ASTN2: variants seen among roughly 807,000 people sequenced by gnomAD.
The protein encoded by ASTN2 is astrotactin-2.
ASTN2 carries 54 observed loss-of-function variants against 139.8 expected under a neutral mutation model. The observed-to-expected ratio is 0.39, with a 90% CI of 0.31 to 0.48. The LOEUF is 0.48. Among genes scored for constraint, ASTN2 ranks in the 20% least tolerant of loss-of-function variants. The probability of loss-of-function intolerance (pLI) is 0.95; values close to 1 mark genes in which losing one functional copy is unlikely to be tolerated. For synonymous variants in ASTN2, 756 were observed against 719.5 expected (o/e 1.05, Z -0.81); for missense variants, 1,565 against 1,725.1 (o/e 0.91, Z 1.64).
At position 116,699,606 on chromosome 9, in the gene ASTN2, A is replaced by G. The variant is rs1366193406; in HGVS notation, c.2806+26165T>C. ...AGAGGGACTTACCTGTCCGGTGGGC[A>G]TAGCCCTAACTCCTAAGGGGCAGCT... is the stretch of plus-strand genomic sequence containing the variant. On this transcript the variant is annotated intron_variant, in intron 16 of 22. Coordinates refer to ENST00000313400, the MANE Select transcript of ASTN2 (RefSeq NM_001365068.1). The surrounding 1 kb of genome is among the most constrained non-coding windows in gnomAD (Gnocchi z 4.2). The G allele has an allele frequency of 1.2e-6, 2 of 1,614,200 alleles. No individual in the cohort carries two copies.
chr9:116,948,795 T>TTG (rs1835475460), intron 10 of ASTN2, among the ~76,000 whole-genome samples: 1 of 117,880 alleles, frequency 8.5e-6, no homozygotes, highest in African/African-American at 3.8e-5. Flanking sequence ...GTTTTTTTTT[T>TTG]TTTTTTTTTT....
chr9:117,333,955 C>A (rs1256543384), intron 1 of ASTN2, among the ~76,000 whole-genome samples: 1 of 152,164 alleles, frequency 6.6e-6, no homozygotes, highest in Non-Finnish European at 1.5e-5. Flanking sequence ...TGGCCTGGTG[C>A]ATGAAGAATA....
intron 19 of ASTN2, among the ~76,000 whole-genome samples, chr9:116,571,334 A>G (rs1234471894): frequency 2.6e-5 from 4 of 151,928 alleles, no homozygotes. Flanking sequence ...CTCAATCTGG[A>G]CTCCAGCCCT....
chr9:116,851,825 G>A (rs907209754), intron 11 of ASTN2, among the ~76,000 whole-genome samples: 3 of 152,130 alleles, frequency 2.0e-5, no homozygotes, highest in Non-Finnish European at 2.9e-5. Context: ...GAACAGCTCT[G>A]CAGAGTAAGT....
intron 1 of ASTN2, among the ~76,000 whole-genome samples, chr9:117,312,465 G>A (rs1828004299): frequency 1.3e-5 from 2 of 152,050 alleles, no homozygotes; most frequent in African/African-American, 2.4e-5. Flanking sequence ...TGCTTTCACC[G>A]GACTTGTTTT....
At chr9:116,721,383 G>A (rs1429503284) in intron 16 of ASTN2, among the ~76,000 whole-genome samples, 2 of 152,202 alleles carry the variant, frequency 1.3e-5, no homozygotes, top group East Asian at 3.8e-4. Flanking sequence ...TAAAGCTCAT[G>A]TATCATGATC....
At chr9:117,050,004 T>C (rs10817986) in intron 5 of ASTN2, among the ~76,000 whole-genome samples, 54,468 of 152,008 alleles carry the variant, frequency 0.36, 9,934 homozygotes, top group Middle Eastern at 0.42. Context: ...GGGGGGTTTC[T>C]GATTCATAGG....
chr9:116,464,299 G>A (rs1463774773), intron 20 of ASTN2, among the ~76,000 whole-genome samples: 1 of 152,098 alleles, frequency 6.6e-6, no homozygotes, highest in African/African-American at 2.4e-5. Flanking sequence ...TGGCAATGCA[G>A]CACAGAGTTA....
intron 10 of ASTN2, among the ~76,000 whole-genome samples, chr9:116,905,602 G>C (rs1744918684): frequency 6.6e-6 from 1 of 152,154 alleles, no homozygotes; most frequent in Non-Finnish European, 1.5e-5. Flanking sequence ...AGTGCCCAGG[G>C]CAAGAGAACA....
chr9:117,056,885 A>T (rs1459315091), intron 5 of ASTN2, among the ~76,000 whole-genome samples: 1 of 152,238 alleles, frequency 6.6e-6, no homozygotes, highest in Non-Finnish European at 1.5e-5. Flanking sequence ...CAACAGAGCT[A>T]TCCATTACTA....
chr9:117,349,584 T>C (rs1188785055), intron 1 of ASTN2, among the ~76,000 whole-genome samples: 1 of 152,156 alleles, frequency 6.6e-6, no homozygotes, highest in Non-Finnish European at 1.5e-5. Flanking sequence ...ACCAGGCAGC[T>C]CTAAAAATAA....
At chr9:117,034,208 T>C (rs1838322100) in intron 6 of ASTN2, among the ~76,000 whole-genome samples, 1 of 152,178 alleles carries the variant, frequency 6.6e-6, no homozygotes, top group African/African-American at 2.4e-5. Context: ...GCTGACCACA[T>C]TGGGTGAATA....
intron 2 of ASTN2, among the ~76,000 whole-genome samples, chr9:117,270,424 T>A (rs1214283862): frequency 6.6e-6 from 1 of 152,152 alleles, no homozygotes; most frequent in Admixed American, 6.5e-5. Context: ...CTCATATAAG[T>A]GGAATCATAA....
chr9:117,203,027 T>C (rs952231780), intron 3 of ASTN2, among the ~76,000 whole-genome samples: 1 of 152,108 alleles, frequency 6.6e-6, no homozygotes, highest in Non-Finnish European at 1.5e-5. Context: ...CAGGCTTTGT[T>C]AATTCTTTTT....
intron 19 of ASTN2, among the ~76,000 whole-genome samples, chr9:116,540,048 T>A (rs1234834725): frequency 6.6e-6 from 1 of 152,332 alleles, no homozygotes; most frequent in South Asian, 2.1e-4. Flanking sequence ...CGCATCTTGA[T>A]GTGATAAAAT....
intron 1 of ASTN2, among the ~76,000 whole-genome samples, chr9:117,368,147 A>G (rs1829895083): frequency 6.6e-6 from 1 of 152,162 alleles, no homozygotes; most frequent in African/African-American, 2.4e-5. Flanking sequence ...TCAAAAAACT[A>G]GTGTAATGTT....
intron 13 of ASTN2, among the ~76,000 whole-genome samples, chr9:116,794,970 GT>G (rs1329731625): frequency 1.3e-5 from 2 of 152,100 alleles, no homozygotes; most frequent in African/African-American, 4.8e-5. Flanking sequence ...TTTTGTTTTT[GT>G]TTTTTTGTTT....
chr9:116,509,503 T>C (rs942183877), intron 19 of ASTN2, among the ~76,000 whole-genome samples: 1 of 152,232 alleles, frequency 6.6e-6, no homozygotes, highest in Non-Finnish European at 1.5e-5. Context: ...GCATGACTTA[T>C]AATCCTTTGG....
intron 19 of ASTN2, among the ~76,000 whole-genome samples, chr9:116,518,536 A>T (rs1415188387): frequency 6.6e-6 from 1 of 152,144 alleles, no homozygotes; most frequent in Non-Finnish European, 1.5e-5. Flanking sequence ...AATCCTCAAA[A>T]TACACCAAAA....
Sources: allele counts gnomAD v4.1 joint callset (sites outside exome capture counted in the v4.1 genomes callset), GRCh38; gene constraint gnomAD v4.1.1; non-coding constraint Gnocchi (gnomAD v3.1); transcripts MANE v1.5; gene names NCBI Gene and HGNC (gene_info 2026-07-23, HGNC 2026-07-21).